FNIP2: variants seen among roughly 807,000 people sequenced by gnomAD.
The protein encoded by FNIP2 is folliculin-interacting protein 2.
In FNIP2, 32 loss-of-function variants were observed where a neutral mutation model predicts 108.7. The ratio of observed to expected loss-of-function variants is 0.29; its 90% CI spans 0.22 to 0.40. The LOEUF (loss-of-function observed/expected upper bound fraction) is 0.40. Among genes scored for constraint, FNIP2 ranks in the 10% least tolerant of loss-of-function variants. FNIP2 has a pLI of 1.00. For synonymous variants in FNIP2, 480 were observed against 496.7 expected (o/e 0.97, Z 0.45); for missense variants, 1,202 against 1,381.6 (o/e 0.87, Z 2.06).
At chr4:158,867,802 A>G (rs1023132518) in intron 12 of FNIP2, among the ~76,000 whole-genome samples, 2 of 152,194 alleles carry the variant, frequency 1.3e-5, no homozygotes, top group African/African-American at 2.4e-5. Context: ...TCTTTGGGCC[A>G]TCTCATTGGC....
At chr4:158,785,903 G>T (rs901348384) in intron 1 of FNIP2, among the ~76,000 whole-genome samples, 1 of 152,106 alleles carries the variant, frequency 6.6e-6, no homozygotes, top group Non-Finnish European at 1.5e-5. Context: ...TCAGCATTTT[G>T]TTGGCTCCTC....
intron 16 of FNIP2, 50 bp downstream of exon 16, chr4:158,895,915 C>T (rs2126783653): frequency 1.5e-6 from 2 of 1,331,792 alleles, no homozygotes; most frequent in African/African-American, 1.4e-5. Context: ...GTATCCCTAG[C>T]ATTGTACCCA....
chr4:158,833,916 G>A (rs1480387804), intron 6 of FNIP2: 1 of 1,331,998 alleles, frequency 7.5e-7, no homozygotes, highest in Non-Finnish European at 9.7e-7. Flanking sequence ...TGAGTACAGT[G>A]TGACCCACAC....
intron 1 of FNIP2, among the ~76,000 whole-genome samples, chr4:158,803,820 C>T (rs1291747830): frequency 6.6e-5 from 10 of 152,138 alleles, no homozygotes. Flanking sequence ...CTATAGTAAA[C>T]GAGGGAAAGG....
intron 7 of FNIP2, among the ~76,000 whole-genome samples, chr4:158,841,166 G>A (rs934139415): frequency 1.3e-5 from 2 of 152,124 alleles, no homozygotes; most frequent in Non-Finnish European, 2.9e-5. Context: ...GAGACAACAG[G>A]GTGGGGGCTT....
intron 1 of FNIP2, among the ~76,000 whole-genome samples, chr4:158,790,608 A>G (rs1247923036): frequency 6.6e-6 from 1 of 152,082 alleles, no homozygotes; most frequent in Non-Finnish European, 1.5e-5. Flanking sequence ...TCAGTTGGGC[A>G]TGGTGATGCA....
intron 8 of FNIP2, among the ~76,000 whole-genome samples, chr4:158,852,247 G>A (rs866644423): frequency 1.2e-4 from 19 of 152,196 alleles, no homozygotes; most frequent in Non-Finnish European, 2.5e-4. Context: ...GTCATGGGGG[G>A]AATTAGGGAG....
chr4:158,779,965 T>G (rs1775984256), intron 1 of FNIP2, among the ~76,000 whole-genome samples: 1 of 151,940 alleles, frequency 6.6e-6, no homozygotes, highest in Admixed American at 6.6e-5. Context: ...TCCCAGTACT[T>G]TGGGAGACTG....
Position 158,891,569 on chromosome 4 carries a change from G to A in FNIP2, c.3073G>A (p.Val1025Ile), listed in dbSNP as rs756924641. 10 of 1,612,442 alleles carry A rather than the reference G, an allele frequency of 6.2e-6. No individual in the cohort carries two copies. The highest frequency in any genetic ancestry group is 1.3e-5 in the African/African-American group (1 of 74,888). ...VTDNMKLGQD[V>I]LVSSQVSSLL... ...GGACAACATGAAACTAGGCCAGGATGTCCTGGTCTCTAGTCAGGTGTCCAG... is the reference window on the plus strand; with the variant it reads ...GGACAACATGAAACTAGGCCAGGATATCCTGGTCTCTAGTCAGGTGTCCAG... Residue 1025 changes from valine (V) to isoleucine (I), a missense_variant, in exon 15 of 17, where the codon GTC (valine) becomes ATC (isoleucine). By Grantham distance (29) the Val-to-Ile change is conservative (BLOSUM62 3). This residue lies in a region of FNIP2 where 142 missense variants were observed against 183.8 expected (regional missense o/e 0.77). Coordinates refer to ENST00000264433, the MANE Select transcript of FNIP2 (RefSeq NM_020840.3).
At chr4:158,828,107 G>A (rs1449360486) in intron 2 of FNIP2, among the ~76,000 whole-genome samples, 2 of 152,116 alleles carry the variant, frequency 1.3e-5, no homozygotes, top group South Asian at 4.1e-4. Context: ...ATCCTTATAC[G>A]TTTGTCACTG....
chr4:158,831,931 A>G lies in FNIP2; in HGVS notation c.452A>G (p.Lys151Arg), dbSNP rs1047052471. The change falls in exon 4 of 17, where the codon AAA becomes AGA. Residue 151 changes from lysine (K) to arginine (R), a missense_variant. Lys to Arg is a conservative substitution (Grantham distance 26). Around this residue, in one of 5 missense-constraint regions of FNIP2, gnomAD observed 7 missense variants for 24.2 expected, o/e 0.29. Transcript: ENST00000264433. ...MMFGSVAMSY[K>R]GSTLKIHYIR... ...TTTGGCTCAGTTGCCATGAGTTACA[A>G]AGGCTCCACCTTAAAGATACACTAC... 2 of 1,611,488 alleles carry G rather than the reference A, an allele frequency of 1.2e-6. No individual in the cohort carries two copies. Among genetic ancestry groups the G allele is most frequent in the African/African-American group, 2.7e-5 (2 of 74,900 alleles).
chr4:158,883,282 T>C (rs184470002), intron 14 of FNIP2, among the ~76,000 whole-genome samples: 1,979 of 152,154 alleles, frequency 0.013, 20 homozygotes, highest in Middle Eastern at 0.024. Context: ...GGCTCTGTCG[T>C]CCAGGCTGGA....
At chr4:158,775,185 T>C (rs1277575068) in intron 1 of FNIP2, among the ~76,000 whole-genome samples, 5 of 152,154 alleles carry the variant, frequency 3.3e-5, no homozygotes, top group Admixed American at 1.3e-4. Flanking sequence ...TGGGAACTGG[T>C]AATGTGCTTT....
chr4:158,887,497 G>C (rs1328165928), intron 14 of FNIP2, among the ~76,000 whole-genome samples: 2 of 152,100 alleles, frequency 1.3e-5, no homozygotes, highest in Non-Finnish European at 2.9e-5. Flanking sequence ...AGCACTTTGG[G>C]AGGCCGAGGT....
At chr4:158,805,448 C>A (rs975870036) in intron 1 of FNIP2, among the ~76,000 whole-genome samples, 1 of 152,114 alleles carries the variant, frequency 6.6e-6, no homozygotes, top group Non-Finnish European at 1.5e-5. Flanking sequence ...CTGCTTTTGT[C>A]CTCAGGTTGG....
At chr4:158,874,241 C>T (rs560359323) in intron 14 of FNIP2, among the ~76,000 whole-genome samples, 13 of 152,248 alleles carry the variant, frequency 8.5e-5, no homozygotes, top group Admixed American at 7.8e-4. Context: ...ATGGTTCACC[C>T]CTTAGTGGCT....
chr4:158,885,013 G>T (rs1363627689), intron 14 of FNIP2, among the ~76,000 whole-genome samples: 1 of 151,766 alleles, frequency 6.6e-6, no homozygotes, highest in African/African-American at 2.4e-5. Context: ...AAAATTAGCT[G>T]GGCATGGTGG....
intron 1 of FNIP2, 31 bp from the exon 2 acceptor site, chr4:158,825,885 C>T: frequency 6.3e-7 from 1 of 1,594,740 alleles, no homozygotes; most frequent in East Asian, 2.3e-5. Flanking sequence ...CTGCAGATAA[C>T]ATAACTTCTT....
intron 16 of FNIP2, among the ~76,000 whole-genome samples, chr4:158,902,032 T>C (rs770801294): frequency 6.6e-6 from 1 of 152,122 alleles, no homozygotes; most frequent in Admixed American, 6.5e-5. Context: ...GTTCCCTTGC[T>C]GGTGAGGAGC....
Sources: gnomAD v4.1 joint callset for allele counts (sites outside exome capture counted in the v4.1 genomes callset) on GRCh38, gnomAD v4.1.1 for gene constraint, gnomAD v4.1.1 regional missense constraint, MANE v1.5 for transcripts, NCBI Gene and HGNC (gene_info 2026-07-23, HGNC 2026-07-21) for gene names.